The following SYN3 variants were observed in gnomAD, a reference collection of about 807,000 sequenced individuals.
SYN3 encodes synapsin III, also known as synapsin-3.
In SYN3, 35 loss-of-function variants were observed where a neutral mutation model predicts 65.8. The ratio of observed to expected loss-of-function variants is 0.53; its 90% confidence interval spans 0.41 to 0.70. The LOEUF (loss-of-function observed/expected upper bound fraction) is 0.70. Among genes scored for constraint, SYN3 ranks in the 30% least tolerant of loss-of-function variants. SYN3 has a pLI of 0.00. For synonymous variants in SYN3, 270 were observed against 292.9 expected (o/e 0.92, Z 0.80); for missense variants, 680 against 749.0 (o/e 0.91, Z 1.08).
At chr22:32,609,420 A>G (rs888572289) in intron 6 of SYN3, among the ~76,000 whole-genome samples, 4 of 151,554 alleles carry the variant, frequency 2.6e-5, no homozygotes, top group African/African-American at 9.7e-5. Flanking sequence ...GATTCTATGT[A>G]TTTATTTACC....
intron 13 of SYN3, among the ~76,000 whole-genome samples, chr22:32,514,886 T>G (rs1222348165): frequency 6.6e-6 from 1 of 151,970 alleles, no homozygotes; most frequent in Non-Finnish European, 1.5e-5. Context: ...TGAGGTGGCG[T>G]GCGCCTGTAG....
At chr22:32,606,846 A>T (rs954422229) in intron 6 of SYN3, among the ~76,000 whole-genome samples, 2 of 151,454 alleles carry the variant, frequency 1.3e-5, no homozygotes, top group Non-Finnish European at 2.9e-5. Context: ...TTTATTTAAA[A>T]AATAATTATT....
Position 32,695,746 on chromosome 22 carries a change from A to G in SYN3, c.712-99010T>C, listed in dbSNP as rs552137383. Among the ~76,000 whole-genome samples the G allele has an allele frequency of 1.1e-4, 16 of 152,298 alleles. No individual in the cohort carries two copies. In the South Asian group the frequency reaches 3.1e-3, roughly 30 times the overall value. On this transcript the variant is annotated intron_variant, in intron 6 of 13. Coordinates refer to ENST00000358763, the MANE Select transcript of SYN3 (RefSeq NM_003490.4). Reference sequence around the variant, plus strand: ...CTGGCTATCCACATAGTGCCTTCCTATCCACAGCCCTGTCTCCCTTGCCCT... The same window carrying G: ...CTGGCTATCCACATAGTGCCTTCCTGTCCACAGCCCTGTCTCCCTTGCCCT...
intron 5 of SYN3, among the ~76,000 whole-genome samples, chr22:32,868,281 T>G (rs1040418168): frequency 7.3e-5 from 11 of 151,512 alleles, no homozygotes; most frequent in African/African-American, 2.4e-4. Flanking sequence ...TAATAACATG[T>G]TTTGTTATTA....
intron 10 of SYN3, among the ~76,000 whole-genome samples, chr22:32,533,589 C>G (rs1016190374): frequency 1.3e-5 from 2 of 152,176 alleles, no homozygotes; most frequent in Non-Finnish European, 2.9e-5. Context: ...TCTCCCGACT[C>G]AGTTCCAAGT....
intron 7 of SYN3, among the ~76,000 whole-genome samples, chr22:32,593,711 G>C (rs113702435): frequency 6.6e-6 from 1 of 152,134 alleles, no homozygotes; most frequent in African/African-American, 2.4e-5. Context: ...GAGATGTAGA[G>C]GACATAACTG....
chr22:32,814,682 A>G (rs2047040882), intron 6 of SYN3, among the ~76,000 whole-genome samples: 1 of 152,172 alleles, frequency 6.6e-6, no homozygotes, highest in Non-Finnish European at 1.5e-5. Flanking sequence ...GATAGTTAAC[A>G]TCTGGATTTT....
chr22:32,984,172 AAAAAAAAG>A (rs1426054360), intron 2 of SYN3, among the ~76,000 whole-genome samples: 11 of 142,504 alleles, frequency 7.7e-5, no homozygotes, highest in Middle Eastern at 3.5e-3. Flanking sequence ...AAAAAAAAAA[AAAAAAAAG>A]AAAAAGAAAA....
intron 6 of SYN3, among the ~76,000 whole-genome samples, chr22:32,761,738 C>T (rs1421577129): frequency 6.6e-6 from 1 of 152,172 alleles, no homozygotes; most frequent in Non-Finnish European, 1.5e-5. Context: ...TTTCCTTCCT[C>T]CATTTATTTA....
At chr22:32,693,792 G>A (rs963260598) in intron 6 of SYN3, among the ~76,000 whole-genome samples, 2 of 151,762 alleles carry the variant, frequency 1.3e-5, no homozygotes, top group African/African-American at 4.8e-5. Context: ...GCATCTCACC[G>A]TGATGGCCAG....
At chr22:32,562,897 C>T (rs975316101) in intron 7 of SYN3, among the ~76,000 whole-genome samples, 3 of 152,262 alleles carry the variant, frequency 2.0e-5, no homozygotes, top group African/African-American at 7.2e-5. Flanking sequence ...TCAACCAGGA[C>T]AAGGGAAAGA....
chr22:32,678,013 G>A (rs1264257372), intron 6 of SYN3, among the ~76,000 whole-genome samples: 1 of 152,132 alleles, frequency 6.6e-6, no homozygotes, highest in African/African-American at 2.4e-5. Context: ...CTGCTGGAGT[G>A]TCATGAGGAA....
At chr22:32,834,319 A>ATT (rs1406376891) in intron 6 of SYN3, among the ~76,000 whole-genome samples, 28 of 45,410 alleles carry the variant, frequency 6.2e-4, no homozygotes, top group South Asian at 1.8e-3. Context: ...CATCTGGCTA[A>ATT]TTTATTTTTT....
chr22:32,621,972 A>G (rs2059601641), intron 6 of SYN3, among the ~76,000 whole-genome samples: 1 of 151,312 alleles, frequency 6.6e-6, no homozygotes, highest in African/African-American at 2.4e-5. Flanking sequence ...GATAGGTATA[A>G]CTCCTGATAT....
At chr22:32,609,443 T>C (rs554428649) in intron 6 of SYN3, among the ~76,000 whole-genome samples, 12 of 151,878 alleles carry the variant, frequency 7.9e-5, no homozygotes, top group Non-Finnish European at 1.5e-4. Flanking sequence ...TGCAGAAATA[T>C]ACTTAAACTC....
At chr22:32,928,305 G>C (rs1206237247) in intron 4 of SYN3, among the ~76,000 whole-genome samples, 1 of 152,078 alleles carries the variant, frequency 6.6e-6, no homozygotes, top group African/African-American at 2.4e-5. Flanking sequence ...ACTCCAGCCT[G>C]GGCGACAGAG....
intron 6 of SYN3, among the ~76,000 whole-genome samples, chr22:32,767,109 C>T (rs2045646890): frequency 6.6e-6 from 1 of 152,166 alleles, no homozygotes; most frequent in Non-Finnish European, 1.5e-5. Context: ...GACTCAATCC[C>T]TACTGCGCAT....
At chr22:32,705,737 G>C (rs1236058986) in intron 6 of SYN3, among the ~76,000 whole-genome samples, 1 of 152,160 alleles carries the variant, frequency 6.6e-6, no homozygotes, top group Non-Finnish European at 1.5e-5. Flanking sequence ...TCTTTGAGCA[G>C]TGTCTTGTAG....
chr22:32,994,038 G>C (rs1195964282), intron 2 of SYN3, among the ~76,000 whole-genome samples: 1 of 152,084 alleles, frequency 6.6e-6, no homozygotes, highest in African/African-American at 2.4e-5. Context: ...CCTCCTCCCC[G>C]AAAGAGCTGG....
Sources: gnomAD v4.1 joint callset for allele counts (sites outside exome capture counted in the v4.1 genomes callset) on GRCh38, gnomAD v4.1.1 for gene constraint, MANE v1.5 for transcripts, NCBI Gene and HGNC (gene_info 2026-07-23, HGNC 2026-07-21) for gene names.